The following ESRRG variants were observed in gnomAD, a reference collection of about 807,000 sequenced individuals.
ESRRG encodes the protein estrogen related receptor gamma.
A neutral mutation model predicts 44.0 loss-of-function variants in ESRRG; 13 were observed. That is an observed-to-expected ratio of 0.30 (90% CI 0.19 to 0.47). ESRRG has a LOEUF of 0.47. ESRRG is among the 20% of genes least tolerant of loss of function. ESRRG has a pLI of 1.00. For synonymous variants in ESRRG, 215 were observed against 214.6 expected (o/e 1.00, Z -0.02); for missense variants, 395 against 580.6 (o/e 0.68, Z 3.29).
intron 1 of ESRRG, among the ~76,000 whole-genome samples, chr1:216,679,377 G>A (rs1045993110): frequency 1.3e-5 from 2 of 152,108 alleles, no homozygotes; most frequent in Admixed American, 6.5e-5. Context: ...AAAGCGGGTC[G>A]GCACTGACTT....
At chr1:216,769,204 T>C (rs2093269773) in intron 2 of ESRRG, among the ~76,000 whole-genome samples, 1 of 152,096 alleles carries the variant, frequency 6.6e-6, no homozygotes, top group African/African-American at 2.4e-5. Context: ...CAGGGAATGT[T>C]TGATTAATGT....
intron 2 of ESRRG, among the ~76,000 whole-genome samples, chr1:216,779,503 A>AATATAAATATATATTTATATTTAT (rs2093827722): frequency 1.3e-5 from 1 of 79,268 alleles, no homozygotes; most frequent in African/African-American, 5.2e-5. Context: ...TTTATATATA[A>AATATAAATATATATTTATATTTAT]ATATATATTT....
chr1:216,556,692 C>T (rs1378458922), intron 5 of ESRRG, among the ~76,000 whole-genome samples: 2 of 152,212 alleles, frequency 1.3e-5, no homozygotes, highest in Admixed American at 6.5e-5. Context: ...TTCCCATGCT[C>T]CCCCTTCTAA....
chr1:216,598,999 A>C (rs866358097), intron 3 of ESRRG, among the ~76,000 whole-genome samples: 51 of 152,316 alleles, frequency 3.3e-4, no homozygotes, highest in African/African-American at 1.2e-3. Context: ...TGAATGCTTG[A>C]GTGCAAGAGG....
chr1:216,707,320 G>A (rs11572672), intron 1 of ESRRG: 233,069 of 1,531,772 alleles, frequency 0.15, 18,171 homozygotes, highest in South Asian at 0.18. Flanking sequence ...TGGCAACTTT[G>A]GTGATCAAGT....
chr1:216,931,240 G>A (rs2063301987), intron 2 of ESRRG, among the ~76,000 whole-genome samples: 1 of 151,998 alleles, frequency 6.6e-6, no homozygotes. Context: ...ATCATTTTGG[G>A]GGAAGGTATT....
intron 3 of ESRRG, among the ~76,000 whole-genome samples, chr1:216,619,596 A>G: frequency 6.6e-6 from 1 of 152,182 alleles, no homozygotes; most frequent in Non-Finnish European, 1.5e-5. Context: ...AAATATTGTT[A>G]TGTTCTGAAA....
At chr1:217,013,470 G>A (rs1280932860) in intron 1 of ESRRG, among the ~76,000 whole-genome samples, 1 of 152,102 alleles carries the variant, frequency 6.6e-6, no homozygotes, top group Non-Finnish European at 1.5e-5. Context: ...ATGGACATTT[G>A]AACAAGTAAA....
intron 1 of ESRRG, among the ~76,000 whole-genome samples, chr1:217,127,018 A>T (rs1057405673): frequency 3.3e-5 from 5 of 152,208 alleles, no homozygotes; most frequent in African/African-American, 1.2e-4. Context: ...TATAACTGAA[A>T]AATCTCTGCC....
rs754735743 is a variant in ESRRG, at chr1:216,873,209, G to GTTTTTTTTT, written c.-14+66364_-14+66372dup. On this transcript the variant is annotated intron_variant, in intron 2 of 7. Transcript: ENST00000359162. ...CCAGGAGTTCATAAACATCTTTTCA[G>GTTTTTTTTT]TTTTTTTTTTTTTTTTTTTTTGACA... is the stretch of plus-strand genomic sequence containing the variant. Among the ~76,000 whole-genome samples, 22 of 105,938 alleles carry GTTTTTTTTT rather than the reference G, an allele frequency of 2.1e-4. 1 individual carries two copies. Among genetic ancestry groups the GTTTTTTTTT allele is most frequent in the African/African-American group, 5.0e-4 (13 of 26,082 alleles). The allele number at this position is 105,938 out of a possible 152,430, so 69.5% of individuals were successfully genotyped here.
chr1:216,840,881 T>A (rs1413941987), intron 2 of ESRRG, among the ~76,000 whole-genome samples: 1 of 152,082 alleles, frequency 6.6e-6, no homozygotes, highest in Non-Finnish European at 1.5e-5. Context: ...ACATCAAAGA[T>A]CACTGATCAT....
intron 2 of ESRRG, among the ~76,000 whole-genome samples, chr1:216,811,818 AG>A (rs1373914126): frequency 1.3e-5 from 2 of 152,216 alleles, no homozygotes; most frequent in Admixed American, 6.5e-5. Flanking sequence ...AGCTGAAAAA[AG>A]GGTTTCCATT....
chr1:217,017,716 A>G (rs967905168), intron 1 of ESRRG, among the ~76,000 whole-genome samples: 4 of 151,906 alleles, frequency 2.6e-5, no homozygotes, highest in Non-Finnish European at 5.9e-5. Context: ...GGATTTCTGG[A>G]AAAAAAATTA....
intron 1 of ESRRG, among the ~76,000 whole-genome samples, chr1:217,112,702 A>T (rs369681951): frequency 6.6e-6 from 1 of 152,204 alleles, no homozygotes; most frequent in Admixed American, 6.5e-5. Flanking sequence ...ATTGCTTCTC[A>T]TCTCCAGTCT....
chr1:217,113,561 A>G (rs1328710770), intron 1 of ESRRG, among the ~76,000 whole-genome samples: 2 of 152,160 alleles, frequency 1.3e-5, no homozygotes, highest in African/African-American at 2.4e-5. Context: ...ACCTTAAACC[A>G]ATGCTACAAT....
At chr1:216,889,843 T>C (rs1393912841) in intron 2 of ESRRG, among the ~76,000 whole-genome samples, 3 of 152,196 alleles carry the variant, frequency 2.0e-5, no homozygotes, top group Admixed American at 6.5e-5. Flanking sequence ...TTTTACTGTG[T>C]ATAGAAAGTG....
chr1:216,995,125 A>C (rs1167371004), intron 1 of ESRRG, among the ~76,000 whole-genome samples: 1 of 152,210 alleles, frequency 6.6e-6, no homozygotes. Flanking sequence ...CTCAGGACTC[A>C]GGAGACCAAA....
intron 2 of ESRRG, among the ~76,000 whole-genome samples, chr1:216,793,298 T>C (rs1246400940): frequency 6.6e-6 from 1 of 152,156 alleles, no homozygotes; most frequent in Non-Finnish European, 1.5e-5. Context: ...CCCTCCAAAG[T>C]TGTACCAGGA....
At chr1:216,673,257 A>G (rs1383329077) in intron 2 of ESRRG, among the ~76,000 whole-genome samples, 1 of 152,230 alleles carries the variant, frequency 6.6e-6, no homozygotes, top group Non-Finnish European at 1.5e-5. Flanking sequence ...TTGGCCACAG[A>G]AAGGAGGGGC....
Sources: gnomAD v4.1 joint callset for allele counts (sites outside exome capture counted in the v4.1 genomes callset) on GRCh38, gnomAD v4.1.1 for gene constraint, MANE v1.5 for transcripts, NCBI Gene and HGNC (gene_info 2026-07-23, HGNC 2026-07-21) for gene names.